Variants in LSAMP observed in about 807,000 individuals in gnomAD.
The protein encoded by LSAMP is limbic system associated membrane protein.
LSAMP carries 7 observed loss-of-function variants against 38.6 expected under a neutral mutation model. The ratio of observed to expected loss-of-function variants is 0.18; its 90% CI spans 0.10 to 0.34. The LOEUF is 0.34. Among genes scored for constraint, LSAMP ranks in the 10% least tolerant of loss-of-function variants. LSAMP has a pLI of 1.00. For synonymous variants in LSAMP, 154 were observed against 166.8 expected (o/e 0.92, Z 0.59); for missense variants, 313 against 420.0 (o/e 0.75, Z 2.23).
chr3:116,273,055 A>T (rs2046994900), intron 1 of LSAMP, among the ~76,000 whole-genome samples: 1 of 152,124 alleles, frequency 6.6e-6, no homozygotes, highest in South Asian at 2.1e-4. Context: ...AGAATTGCTC[A>T]CTGTTCGCTC....
intron 3 of LSAMP, among the ~76,000 whole-genome samples, chr3:115,986,194 CTT>C (rs949838682): frequency 3.3e-5 from 5 of 152,046 alleles, no homozygotes; most frequent in Admixed American, 2.0e-4. Context: ...ATAAAAGAAA[CTT>C]AGGGCAAGGA....
At position 116,264,934 on chromosome 3, in the gene LSAMP, C is replaced by T. The variant is rs961675115; in HGVS notation, c.156-178378G>A. ...CTAATCTCTAGCAGCACCTTCCTTC[C>T]CTGAGGTCTGTGGGTGGAGCTGAAC... is the stretch of plus-strand genomic sequence containing the variant. On this transcript the variant is annotated intron_variant, in intron 1 of 6. Coordinates refer to ENST00000490035, the MANE Select transcript of LSAMP (RefSeq NM_002338.5). 5.9e-5 allele frequency among the ~76,000 whole-genome samples: 9 copies of T among 152,104 alleles called. No individual in the cohort carries two copies. In the East Asian group the frequency reaches 1.4e-3, roughly 23 times the overall value.
intron 1 of LSAMP, among the ~76,000 whole-genome samples, chr3:116,331,280 T>C (rs1460279243): frequency 1.3e-5 from 2 of 152,094 alleles, no homozygotes; most frequent in Non-Finnish European, 2.9e-5. Flanking sequence ...AAGTGAACCA[T>C]CTACACATTA....
intron 3 of LSAMP, among the ~76,000 whole-genome samples, chr3:115,990,274 A>T (rs148913176): frequency 6.6e-5 from 10 of 152,136 alleles, no homozygotes; most frequent in African/African-American, 2.4e-4. Flanking sequence ...TTTGCCGTTT[A>T]GAGGGCTATA....
At chr3:116,163,129 G>A (rs1041902795) in intron 1 of LSAMP, among the ~76,000 whole-genome samples, 2 of 151,422 alleles carry the variant, frequency 1.3e-5, no homozygotes, top group African/African-American at 4.9e-5. Flanking sequence ...CAACGTGCAG[G>A]TTTGTTACAT....
chr3:116,054,159 T>A (rs997794720), intron 2 of LSAMP, among the ~76,000 whole-genome samples: 1 of 152,196 alleles, frequency 6.6e-6, no homozygotes, highest in African/African-American at 2.4e-5. Context: ...CCTGGCCACC[T>A]TCCATCTTCA....
chr3:116,319,566 C>A (rs1252155114), intron 1 of LSAMP, among the ~76,000 whole-genome samples: 3 of 152,062 alleles, frequency 2.0e-5, no homozygotes, highest in Non-Finnish European at 2.9e-5. Context: ...CCAATTTTCC[C>A]AGTTAAATAA....
At chr3:115,816,922 A>G (rs572105929) in intron 6 of LSAMP, among the ~76,000 whole-genome samples, 27 of 152,356 alleles carry the variant, frequency 1.8e-4, no homozygotes, top group African/African-American at 6.5e-4. Context: ...GACAAGTTCA[A>G]GAACTCTGAG....
At chr3:116,286,083 G>GACTA (rs765989503) in intron 1 of LSAMP, among the ~76,000 whole-genome samples, 11 of 152,132 alleles carry the variant, frequency 7.2e-5, no homozygotes, top group African/African-American at 2.7e-4. Context: ...AGTAGTCCTG[G>GACTA]ACTAACTAAC....
chr3:116,359,793 T>G (rs924289630), intron 1 of LSAMP, among the ~76,000 whole-genome samples: 1 of 152,148 alleles, frequency 6.6e-6, no homozygotes, highest in Non-Finnish European at 1.5e-5. Context: ...AAATTGAAAC[T>G]GGGCCCCTTC....
chr3:116,407,470 CT>C (rs2048911898), intron 1 of LSAMP, among the ~76,000 whole-genome samples: 1 of 152,070 alleles, frequency 6.6e-6, no homozygotes, highest in South Asian at 2.1e-4. Context: ...CCATTCCCCC[CT>C]ATACCCACCA....
intron 2 of LSAMP, among the ~76,000 whole-genome samples, chr3:116,062,461 A>T (rs1941610539): frequency 6.6e-6 from 1 of 152,162 alleles, no homozygotes; most frequent in Non-Finnish European, 1.5e-5. Context: ...GGTTGCGGTG[A>T]GCCGGGATTG....
At chr3:116,135,267 T>C (rs950589912) in intron 1 of LSAMP, among the ~76,000 whole-genome samples, 1 of 152,186 alleles carries the variant, frequency 6.6e-6, no homozygotes, top group South Asian at 2.1e-4. Flanking sequence ...AGATACCAAC[T>C]AGAAGCAAAT....
rs143242215 is a variant in LSAMP, at chr3:116,117,937, CT to C, written c.156-31382del. ...ACTCAAGAATATTTATTTCGTATAT[CT>C]TTTTTTTTTAAGATTGTTTTTCTTT... On this transcript the variant is annotated intron_variant, in intron 1 of 6. Transcript: ENST00000490035. 4.2e-4 allele frequency among the ~76,000 whole-genome samples: 62 copies of C among 148,734 alleles called. 1 individual carries two copies. In the South Asian group the frequency reaches 4.3e-3, roughly 10 times the overall value.
At chr3:116,419,463 T>C (rs1243142981) in intron 1 of LSAMP, among the ~76,000 whole-genome samples, 1 of 152,176 alleles carries the variant, frequency 6.6e-6, no homozygotes, top group African/African-American at 2.4e-5. Context: ...GTTTCAGAAT[T>C]GTTTAAATTT....
At chr3:116,229,905 T>C (rs2046383897) in intron 1 of LSAMP, among the ~76,000 whole-genome samples, 1 of 152,022 alleles carries the variant, frequency 6.6e-6, no homozygotes, top group Non-Finnish European at 1.5e-5. Flanking sequence ...AAAGAGAGGG[T>C]AACTGAATTA....
chr3:116,283,704 G>C (rs1231927362), intron 1 of LSAMP, among the ~76,000 whole-genome samples: 1 of 152,158 alleles, frequency 6.6e-6, no homozygotes, highest in African/African-American at 2.4e-5. Context: ...CTTGTGTTTT[G>C]TAAGAGCCAG....
At chr3:116,134,049 G>A (rs1709192153) in intron 1 of LSAMP, among the ~76,000 whole-genome samples, 1 of 152,130 alleles carries the variant, frequency 6.6e-6, no homozygotes, top group African/African-American at 2.4e-5. Context: ...AATATGATCT[G>A]AACAGGCCAC....
intron 1 of LSAMP, among the ~76,000 whole-genome samples, chr3:116,140,042 G>T (rs1559757647): frequency 1.3e-5 from 2 of 151,934 alleles, no homozygotes; most frequent in Admixed American, 6.6e-5. Flanking sequence ...GACACAAAAG[G>T]GTAGACACAA....
Sources: allele counts gnomAD v4.1 joint callset (sites outside exome capture counted in the v4.1 genomes callset), GRCh38; gene constraint gnomAD v4.1.1; transcripts MANE v1.5; gene names NCBI Gene and HGNC (gene_info 2026-07-23, HGNC 2026-07-21).